Variants in SOD2 observed in about 807,000 individuals in gnomAD.
The protein encoded by SOD2 is superoxide dismutase 2, also known as superoxide dismutase [Mn], mitochondrial.
SOD2 carries 11 observed loss-of-function variants against 27.0 expected under a neutral mutation model. The observed-to-expected ratio is 0.41, with a 90% CI of 0.26 to 0.67. The LOEUF is 0.67. SOD2 is among the 30% of genes least tolerant of loss of function. SOD2 has a pLI of 0.34. For missense variants in SOD2, 250 were observed against 274.5 expected (o/e 0.91, Z 0.63); for synonymous variants, 105 against 103.0 (o/e 1.02, Z -0.12).
chr6:159,740,531 T>A (rs1779188610), intron 1 of SOD2, among the ~76,000 whole-genome samples: 1 of 152,186 alleles, frequency 6.6e-6, no homozygotes, highest in African/African-American at 2.4e-5. Flanking sequence ...AATAAATCGT[T>A]CTTTTATAGC....
In SOD2 at chr6:159,727,127, A is replaced by G; in HGVS notation, c.-116+2T>C. The stretch of plus-strand genomic sequence containing the variant: ...GCCCCTCCCCTCGGCCGCTTCCCTT[A>G]CTGAGCTTGCTGAGCTCCGGGGCCC... On this transcript the variant is annotated splice_donor_variant, in intron 1 of 2. Coordinates refer to the SOD2 transcript ENST00000401980. LOFTEE classifies it low-confidence loss of function (5UTR_SPLICE). The G allele has an allele frequency of 1.7e-6, 2 of 1,195,606 alleles. No individual in the cohort carries two copies. The highest frequency in any genetic ancestry group is 1.6e-5 in the African/African-American group (1 of 62,708). 74.1% of individuals were successfully genotyped at this position (1,195,606 alleles called of 1,614,324 possible). A position where few individuals can be genotyped will look rare whatever the true frequency, so the allele number is the denominator to read the frequency against.
intron 1 of SOD2, among the ~76,000 whole-genome samples, chr6:159,757,775 T>A (rs188634078): frequency 5.9e-5 from 9 of 152,332 alleles, no homozygotes; most frequent in African/African-American, 1.9e-4. Flanking sequence ...TTAATTTGCA[T>A]GTGATTAAAC....
chr6:159,736,381 AG>A (rs1778916806), intron 1 of SOD2: 1 of 1,064,332 alleles, frequency 9.4e-7, no homozygotes, highest in Non-Finnish European at 1.4e-6. Flanking sequence ...ATAGACTTGA[AG>A]GGATTATCGT....
At chr6:159,725,803 G>A (rs934006639) in intron 1 of SOD2, 5 of 151,578 alleles carry the variant, frequency 3.3e-5, no homozygotes, top group Non-Finnish European at 5.9e-5. Context: ...ATACATAAAA[G>A]CATATATGCT....
chr6:159,686,248 G>A (rs1246985137), intron 3 of SOD2, among the ~76,000 whole-genome samples: 1 of 152,134 alleles, frequency 6.6e-6, no homozygotes, highest in African/African-American at 2.4e-5. Flanking sequence ...AAACAAAAAT[G>A]GCAGCATACC....
At chr6:159,758,030 T>C (rs1039542812) in intron 1 of SOD2, among the ~76,000 whole-genome samples, 3 of 152,362 alleles carry the variant, frequency 2.0e-5, no homozygotes, top group Non-Finnish European at 2.9e-5. Flanking sequence ...AGAGCACTTA[T>C]TCTGTGGTAC....
chr6:159,726,888 G>C (rs1056589362), intron 1 of SOD2: 7 of 1,289,002 alleles, frequency 5.4e-6, no homozygotes, highest in Non-Finnish European at 7.1e-6. Flanking sequence ...CCCGCGGCTC[G>C]CCGCCCACGG....
chr6:159,694,035 G>A (rs1166230925), upstream of SOD2, among the ~76,000 whole-genome samples: 1 of 152,172 alleles, frequency 6.6e-6, no homozygotes, highest in African/African-American at 2.4e-5. Flanking sequence ...ATCCTTTGAG[G>A]TTAAGCAGCT....
intron 2 of SOD2, chr6:159,692,294 TACA>T (rs540043450): frequency 2.6e-4 from 202 of 765,980 alleles, no homozygotes; most frequent in Non-Finnish European, 3.0e-4. Context: ...AAGCACATTA[TACA>T]ACAAGAACAA....
intron 1 of SOD2, among the ~76,000 whole-genome samples, chr6:159,722,894 C>T (rs1255977472): frequency 6.6e-6 from 1 of 152,160 alleles, no homozygotes; most frequent in Non-Finnish European, 1.5e-5. Flanking sequence ...CTCAAAATGG[C>T]CAGGACTTGA....
chr6:159,708,449 A>G (rs1777668713), intron 1 of SOD2, among the ~76,000 whole-genome samples: 1 of 152,238 alleles, frequency 6.6e-6, no homozygotes, highest in African/African-American at 2.4e-5. Context: ...ATATGCAAAA[A>G]TCACTAGCAT....
intron 1 of SOD2, among the ~76,000 whole-genome samples, chr6:159,751,326 A>G (rs182789903): frequency 5.9e-5 from 9 of 152,368 alleles, no homozygotes; most frequent in African/African-American, 2.2e-4. Context: ...GTCAGGTCAC[A>G]GATTAATGTA....
intron 1 of SOD2, among the ~76,000 whole-genome samples, chr6:159,705,967 G>A (rs111382222): frequency 7.9e-5 from 12 of 151,986 alleles, no homozygotes; most frequent in Non-Finnish European, 1.8e-4. Context: ...AATATTCAAC[G>A]TTTTTAAAGA....
chr6:159,692,341 G>C (rs1197566821), intron 2 of SOD2: 3 of 1,123,916 alleles, frequency 2.7e-6, no homozygotes, highest in Admixed American at 8.2e-5. Flanking sequence ...TGACACAGTA[G>C]AGCTTTCTTT....
Position 159,707,122 on chromosome 6 carries a change from T to G in SOD2, c.-115-14259A>C, listed in dbSNP as rs1484886964. On this transcript the variant is annotated intron_variant, in intron 1 of 2. Coordinates refer to the SOD2 transcript ENST00000401980. ...TCTCTGGGACACATTTAAAGCAGTG[T>G]GTAGAGAGAAATTTATAGCACTAAA... Among the ~76,000 whole-genome samples, 3 of 151,354 alleles carry G rather than the reference T, an allele frequency of 2.0e-5. No individual in the cohort carries two copies. The East Asian group carries it at 5.8e-4, about 29-fold the overall frequency.
At chr6:159,749,504 G>A, upstream of SOD2, 1 of 936,754 alleles carries the variant, frequency 1.1e-6, no homozygotes, top group Non-Finnish European at 1.3e-6. Context: ...GGGGCGGGGA[G>A]GGCCTGTTGA....
upstream of SOD2, among the ~76,000 whole-genome samples, chr6:159,728,662 A>T (rs1020562386): frequency 6.6e-6 from 1 of 152,254 alleles, no homozygotes; most frequent in Non-Finnish European, 1.5e-5. Flanking sequence ...ATTTAAAACT[A>T]TGAGCGAAAA....
chr6:159,747,184 A>C (rs1304019240), upstream of SOD2, among the ~76,000 whole-genome samples: 1 of 152,216 alleles, frequency 6.6e-6, no homozygotes, highest in Non-Finnish European at 1.5e-5. Flanking sequence ...AGTATGAAGA[A>C]AATGATGAAT....
At chr6:159,756,437 G>C (rs184159282) in intron 1 of SOD2, 1 of 152,120 alleles carries the variant, frequency 6.6e-6, no homozygotes, top group African/African-American at 2.4e-5. Flanking sequence ...ACCAAGCATC[G>C]ATTACGATTT....
Sources: gnomAD v4.1 joint callset for allele counts (sites outside exome capture counted in the v4.1 genomes callset) on GRCh38, gnomAD v4.1.1 for gene constraint, MANE v1.5 for transcripts, NCBI Gene and HGNC (gene_info 2026-07-23, HGNC 2026-07-21) for gene names.